Variants in GALNT3 observed in about 807,000 individuals in gnomAD.
GALNT3 encodes the protein GalNAc transferase 3.
A neutral mutation model predicts 69.8 loss-of-function variants in GALNT3; 51 were observed. The observed-to-expected ratio is 0.73, with a 90% CI of 0.58 to 0.92. The LOEUF is 0.92. Ranked by LOEUF, GALNT3 falls within the 40% of genes least tolerant of loss-of-function variation. The pLI, the probability that GALNT3 is intolerant of heterozygous loss-of-function variation, is 0.00. For synonymous variants in GALNT3, 265 were observed against 248.5 expected, an observed-to-expected ratio of 1.07 and a Z score of -0.63; for missense variants, 711 against 760.0, an observed-to-expected ratio of 0.94 and a Z score of 0.76.
chr2:165,759,061 GGA>G (rs1319685363), intron 5 of GALNT3, among the ~76,000 whole-genome samples, 197 bp from the exon 6 acceptor site: 1 of 152,064 alleles, frequency 6.6e-6, no homozygotes, highest in East Asian at 1.9e-4. Context: ...CTCTCCCATT[GGA>G]GTAAACTTAA....
At position 165,768,983 on chromosome 2, in the gene GALNT3, C is replaced by T. The variant is rs537313586; in HGVS notation, c.515+1203G>A. Among the ~76,000 whole-genome samples the T allele has an allele frequency of 2.6e-3, 389 of 150,530 alleles. 3 individuals carry two copies. The highest frequency in any genetic ancestry group is 7.8e-3 in the African/African-American group (322 of 41,172). On this transcript the variant is annotated intron_variant, in intron 2 of 10. Coordinates refer to ENST00000392701, the MANE Select transcript of GALNT3 (RefSeq NM_004482.4). ...CTAATTTTTGTATTTTTAATAGAGA[C>T]GGGGTTTCACCATGTTGGCCAGGCT...
At chr2:165,756,424 G>T (rs1218490738) in intron 7 of GALNT3, among the ~76,000 whole-genome samples, 1 of 152,034 alleles carries the variant, frequency 6.6e-6, no homozygotes, top group African/African-American at 2.4e-5. Context: ...ATATTTGTTA[G>T]CACTTATCAC....
At chr2:165,752,738 C>T (rs1388663213) in intron 9 of GALNT3, among the ~76,000 whole-genome samples, 1 of 152,146 alleles carries the variant, frequency 6.6e-6, no homozygotes, top group Non-Finnish European at 1.5e-5. Context: ...TTTACATTTA[C>T]TAGTAAGATT....
intron 3 of GALNT3, among the ~76,000 whole-genome samples, chr2:165,764,016 A>C (rs952834882): frequency 6.6e-6 from 1 of 152,234 alleles, no homozygotes; most frequent in Admixed American, 6.5e-5. Context: ...ACTTGGATTT[A>C]TTAAGGAATA....
chr2:165,751,195 A>G (rs1174236622), intron 9 of GALNT3, among the ~76,000 whole-genome samples: 1 of 152,200 alleles, frequency 6.6e-6, no homozygotes, highest in Non-Finnish European at 1.5e-5. Context: ...TAATGAAATA[A>G]TTAGTAGGAG....
chr2:165,749,536 A>C (rs1213185635), intron 10 of GALNT3, among the ~76,000 whole-genome samples: 2 of 152,182 alleles, frequency 1.3e-5, no homozygotes, highest in African/African-American at 4.8e-5. Flanking sequence ...GGTTCAACCA[A>C]GCAACTTAAT....
At chr2:165,788,466 GGTGTGTGTGTGTGTGT>G (rs148293638) in intron 1 of GALNT3, among the ~76,000 whole-genome samples, 3 of 139,602 alleles carry the variant, frequency 2.1e-5, no homozygotes, top group South Asian at 2.4e-4. Flanking sequence ...AATCCAAAAG[GGTGTGTGTGTGTGTGT>G]GTGTGTGTGT....
intron 4 of GALNT3, among the ~76,000 whole-genome samples, chr2:165,760,375 G>T (rs1688523697): frequency 6.6e-6 from 1 of 152,128 alleles, no homozygotes; most frequent in African/African-American, 2.4e-5. Flanking sequence ...ATAGGTCTAA[G>T]CCCTGGTCAC....
In GALNT3 at chr2:165,764,981, C is replaced by G; in HGVS notation, c.591G>C (p.Ala197=). The change falls in exon 3 of 11, where the codon GCG becomes GCC. Residue 197 remains alanine (A), a synonymous_variant. Transcript: ENST00000392701. ...TSVIIVFHNE[A]WSTLLRTVHS... The stretch of plus-strand genomic sequence containing the variant: ...GGACAGTTCTAAGCAACGTGGACCA[C>G]GCTTCATTATGAAAAACTATTATGA... 6.2e-7 allele frequency: 1 copy of G among 1,614,172 alleles called. No individual in the cohort carries two copies. Among genetic ancestry groups the G allele is most frequent in the Non-Finnish European group, 8.5e-7 (1 of 1,180,006 alleles).
chr2:165,765,020 CA>C lies in GALNT3; in HGVS notation c.551del (p.Leu184ArgfsTer7). ...IEQKFKRCPPLPTTSVIIVFH... is the reference protein window; with the variant it reads ...IEQKFKRCPPXPTTSVIIVFH... Reference sequence around the variant, plus strand: ...AAACTATTATGACACTGGTGGTGGGCAGGGGAGGGCAGCGCTTAAATTTTTG... The same window carrying C: ...AAACTATTATGACACTGGTGGTGGGCGGGGAGGGCAGCGCTTAAATTTTTG... On this transcript the variant is annotated frameshift_variant, in exon 3 of 11. Coordinates refer to ENST00000392701, the MANE Select transcript of GALNT3 (RefSeq NM_004482.4). LOFTEE classifies it high-confidence loss of function. 6.2e-7 allele frequency: 1 copy of C among 1,614,128 alleles called. No homozygotes were observed. The highest frequency in any genetic ancestry group is 1.1e-5 in the South Asian group (1 of 91,078).
At chr2:165,789,415 A>T (rs1010036790) in intron 1 of GALNT3, among the ~76,000 whole-genome samples, 2 of 152,164 alleles carry the variant, frequency 1.3e-5, no homozygotes, top group Non-Finnish European at 2.9e-5. Flanking sequence ...ATACCAATAC[A>T]TTGGATTTGA....
Position 165,749,760 on chromosome 2 carries a change from C to A in GALNT3, c.1761G>T (p.Gln587His), listed in dbSNP as rs1688322402. The stretch of plus-strand genomic sequence containing the variant: ...GAGGTACCTTCTGGATCTCCCATAT[C>A]TGCTCTCCAGTGACAACTGTCTTGT... ...KGHKTVVTGE[Q>H]IWEIQKDQLL... Residue 587 changes from glutamine (Q) to histidine (H), a missense_variant, in exon 10 of 11, where the codon CAG becomes CAT. Gln to His is a conservative substitution (Grantham distance 24, BLOSUM62 0). Transcript: ENST00000392701. 1 of 1,613,440 alleles carries A rather than the reference C, an allele frequency of 6.2e-7. No homozygotes were observed. Among genetic ancestry groups the A allele is most frequent in the Non-Finnish European group, 8.5e-7 (1 of 1,179,548 alleles).
At chr2:165,771,531 T>G (rs1688751969) in intron 1 of GALNT3, 1 of 152,164 alleles carries the variant, frequency 6.6e-6, no homozygotes, top group Non-Finnish European at 1.5e-5. Flanking sequence ...AGTCATAAAG[T>G]TAAAAAAGCA....
At chr2:165,776,440 C>G (rs1056973934) in intron 1 of GALNT3, among the ~76,000 whole-genome samples, 1 of 151,812 alleles carries the variant, frequency 6.6e-6, no homozygotes, top group Non-Finnish European at 1.5e-5. Context: ...TTTCTAAAAC[C>G]TTTAAACACA....
chr2:165,794,040 CG>C lies in GALNT3; in HGVS notation c.-135del, dbSNP rs1029166949. 3 of 152,476 alleles carry C rather than the reference CG, an allele frequency of 2.0e-5. No homozygotes were observed. Among genetic ancestry groups the C allele is most frequent in the African/African-American group, 7.2e-5 (3 of 41,462 alleles). 9.4% of individuals were successfully genotyped at this position (152,476 alleles called of 1,614,324 possible). ...CTGGCGGGTGGGCAGGGCAGGGTGG[CG>C]GGAAGCGGCGGCCGGGCAGGCGCTG... On this transcript the variant is annotated 5_prime_UTR_variant, in exon 1 of 11. Coordinates refer to ENST00000392701, the MANE Select transcript of GALNT3 (RefSeq NM_004482.4).
chr2:165,785,233 G>C (rs982247310), intron 1 of GALNT3, among the ~76,000 whole-genome samples: 2 of 151,710 alleles, frequency 1.3e-5, no homozygotes, highest in East Asian at 1.9e-4. Flanking sequence ...TTATGATGGA[G>C]TAATATGATT....
At chr2:165,789,585 T>C (rs1486993825) in intron 1 of GALNT3, among the ~76,000 whole-genome samples, 2 of 152,136 alleles carry the variant, frequency 1.3e-5, no homozygotes, top group Non-Finnish European at 2.9e-5. Flanking sequence ...GCAAAATATA[T>C]TTCAAAATTC....
chr2:165,750,674 C>T (rs1688341902), intron 9 of GALNT3, among the ~76,000 whole-genome samples: 1 of 152,172 alleles, frequency 6.6e-6, no homozygotes, highest in Admixed American at 6.6e-5. Context: ...TGATCCCTGA[C>T]TGCCCTTGCT....
intron 2 of GALNT3, among the ~76,000 whole-genome samples, chr2:165,765,580 C>T (rs909789111): frequency 6.6e-6 from 1 of 151,924 alleles, no homozygotes; most frequent in Non-Finnish European, 1.5e-5. Flanking sequence ...AGCTTCACCT[C>T]CCAGGTTCAC....
Sources: allele counts gnomAD v4.1 joint callset (sites outside exome capture counted in the v4.1 genomes callset), GRCh38; gene constraint gnomAD v4.1.1; transcripts MANE v1.5; gene names NCBI Gene and HGNC (gene_info 2026-07-23, HGNC 2026-07-21).